Variants in PDE1C observed in about 807,000 individuals in gnomAD.
PDE1C encodes dual specificity calcium/calmodulin-dependent 3',5'-cyclic nucleotide phosphodiesterase 1C.
In PDE1C, 62 loss-of-function variants were observed where a neutral mutation model predicts 93.1. The observed-to-expected ratio is 0.67, with a 90% CI of 0.54 to 0.82. The LOEUF is 0.82. Among genes scored for constraint, PDE1C ranks in the 40% least tolerant of loss-of-function variants. PDE1C has a pLI of 0.00. For missense variants in PDE1C, 742 were observed against 884.6 expected (o/e 0.84, Z 2.04); for synonymous variants, 325 against 310.1 (o/e 1.05, Z -0.50).
rs1794133154 is a variant in PDE1C at position 31,751,411 on chromosome 7, A to C, written c.*1973T>G. Reference sequence around the variant, plus strand: ...CAACATCAAGAAGCACAGCCAAGAAAACACAGCCTCATTAAATTCTCAATA... The same window carrying C: ...CAACATCAAGAAGCACAGCCAAGAACACACAGCCTCATTAAATTCTCAATA... On this transcript the variant is annotated 3_prime_UTR_variant, in exon 18 of 18. Coordinates refer to ENST00000396191, the MANE Select transcript of PDE1C (RefSeq NM_001191057.4). 1 of 152,198 alleles carries C rather than the reference A, an allele frequency of 6.6e-6. No homozygotes were observed. Among genetic ancestry groups the C allele is most frequent in the Admixed American group, 6.5e-5 (1 of 15,282 alleles). The allele number at this position is 152,198 out of a possible 1,614,324, so 9.4% of individuals were successfully genotyped here. A position where few individuals can be genotyped will look rare whatever the true frequency, so the allele number is the denominator to read the frequency against.
chr7:31,881,309 A>G (rs925492820), intron 2 of PDE1C, among the ~76,000 whole-genome samples: 1 of 152,304 alleles, frequency 6.6e-6, no homozygotes, highest in Admixed American at 6.5e-5. Context: ...AGATGAAAAC[A>G]TATAAACCAC....
chr7:32,288,803 G>A (rs917004226), intron 1 of PDE1C, among the ~76,000 whole-genome samples: 1 of 152,262 alleles, frequency 6.6e-6, no homozygotes, highest in Middle Eastern at 3.4e-3. Flanking sequence ...TGTTCCCTGG[G>A]CCCAAAGTCA....
intron 3 of PDE1C, among the ~76,000 whole-genome samples, chr7:32,114,325 A>G (rs965633956): frequency 6.6e-6 from 1 of 152,288 alleles, no homozygotes; most frequent in Admixed American, 6.5e-5. Context: ...CCACACATCT[A>G]CAACCATCTG....
intron 7 of PDE1C, among the ~76,000 whole-genome samples, 166 bp downstream of exon 7, chr7:31,864,776 G>A (rs1168809479): frequency 6.6e-6 from 1 of 152,136 alleles, no homozygotes; most frequent in Non-Finnish European, 1.5e-5. Flanking sequence ...AGAGGCAACG[G>A]AGAACTCCAA....
At chr7:31,968,984 G>A (rs1023427094) in intron 2 of PDE1C, among the ~76,000 whole-genome samples, 25 of 152,096 alleles carry the variant, frequency 1.6e-4, no homozygotes, top group Admixed American at 8.5e-4. Context: ...ATTAATTCAA[G>A]ATGGATTGAA....
At chr7:31,658,215 C>A in the PDE1C span, 1 of 1,432,508 alleles carries the variant, frequency 7.0e-7, no homozygotes, top group Non-Finnish European at 9.2e-7. Context: ...CAGAAGAACA[C>A]TTCCCAGAAA....
the PDE1C span, among the ~76,000 whole-genome samples, chr7:31,720,285 C>T: frequency 2.6e-4 from 39 of 152,206 alleles, no homozygotes; most frequent in African/African-American, 9.2e-4. Context: ...CCTTACCGCC[C>T]CCCTCAACCA....
At chr7:32,369,120 A>T (rs1784280552) in intron 1 of PDE1C, among the ~76,000 whole-genome samples, 2 of 152,222 alleles carry the variant, frequency 1.3e-5, no homozygotes, top group South Asian at 4.1e-4. Flanking sequence ...AAGCATGGGC[A>T]ACAAAAGCAA....
intron 2 of PDE1C, among the ~76,000 whole-genome samples, chr7:32,170,736 T>C (rs540663203): frequency 6.6e-6 from 1 of 152,150 alleles, no homozygotes; most frequent in Admixed American, 6.5e-5. Context: ...TCACCTGACC[T>C]TGGCCTCCTG....
At chr7:32,207,292 T>C (rs912430394) in intron 2 of PDE1C, among the ~76,000 whole-genome samples, 1 of 151,206 alleles carries the variant, frequency 6.6e-6, no homozygotes, top group African/African-American at 2.4e-5. Flanking sequence ...CAACGCACAC[T>C]GTCAAGGCTG....
At chr7:31,958,383 C>G (rs1260150306) in intron 2 of PDE1C, among the ~76,000 whole-genome samples, 2 of 152,208 alleles carry the variant, frequency 1.3e-5, no homozygotes, top group African/African-American at 4.8e-5. Context: ...CTAAGCAACT[C>G]TCTGTAAACT....
At chr7:31,757,864 A>G (rs1794569800) in intron 17 of PDE1C, among the ~76,000 whole-genome samples, 1 of 152,232 alleles carries the variant, frequency 6.6e-6, no homozygotes, top group Non-Finnish European at 1.5e-5. Flanking sequence ...TTATTGCAGC[A>G]CTATTCACAA....
chr7:32,404,236 A>T (rs969408901), intron 1 of PDE1C, among the ~76,000 whole-genome samples: 7 of 152,212 alleles, frequency 4.6e-5, no homozygotes, highest in Admixed American at 4.6e-4. Flanking sequence ...GAGGAGATAC[A>T]TATAAAGCAT....
At chr7:31,631,949 C>T in the PDE1C span, among the ~76,000 whole-genome samples, 3 of 152,226 alleles carry the variant, frequency 2.0e-5, no homozygotes, top group South Asian at 4.2e-4. Flanking sequence ...TTGATGACGC[C>T]GGCCGACCAG....
intron 2 of PDE1C, among the ~76,000 whole-genome samples, chr7:31,962,868 T>C (rs77066208): frequency 0.02 from 3,001 of 152,132 alleles, 30 homozygotes; most frequent in African/African-American, 0.029. Flanking sequence ...GCAGGAACAA[T>C]ACGAGAACCA....
At chr7:31,832,818 T>C (rs536309001) in intron 11 of PDE1C, among the ~76,000 whole-genome samples, 1 of 152,306 alleles carries the variant, frequency 6.6e-6, no homozygotes, top group South Asian at 2.1e-4. Context: ...AAGTTTTCCT[T>C]TACGAGGAAA....
intron 2 of PDE1C, among the ~76,000 whole-genome samples, chr7:32,182,215 A>G (rs555625927): frequency 5.3e-5 from 8 of 152,368 alleles, no homozygotes; most frequent in Non-Finnish European, 1.5e-5. Context: ...GAATTCTACC[A>G]GAGGTACAAG....
At chr7:31,887,925 G>T (rs1215089972) in intron 2 of PDE1C, among the ~76,000 whole-genome samples, 1 of 152,124 alleles carries the variant, frequency 6.6e-6, no homozygotes, top group Non-Finnish European at 1.5e-5. Flanking sequence ...CTTGTAGTAT[G>T]CAGCTAAAGC....
chr7:31,895,432 C>A (rs546534598), intron 2 of PDE1C, among the ~76,000 whole-genome samples: 76 of 152,200 alleles, frequency 5.0e-4, no homozygotes, highest in African/African-American at 1.8e-3. Flanking sequence ...AATACAAGAC[C>A]CTGCTGTCTT....
Sources: allele counts gnomAD v4.1 joint callset (sites outside exome capture counted in the v4.1 genomes callset), GRCh38; gene constraint gnomAD v4.1.1; transcripts MANE v1.5; gene names NCBI Gene and HGNC (gene_info 2026-07-23, HGNC 2026-07-21).